Variants in SYTL5 observed in about 807,000 individuals in gnomAD.
SYTL5 encodes the protein synaptotagmin like 5.
In SYTL5, 34 loss-of-function variants were observed where a neutral mutation model predicts 55.9. That is an observed-to-expected ratio of 0.61 (90% CI 0.46 to 0.81). The LOEUF is 0.81. SYTL5 is among the 30% of genes least tolerant of loss of function. The probability of loss-of-function intolerance (pLI) is 0.00; values close to 1 mark genes in which losing one functional copy is unlikely to be tolerated. For missense variants in SYTL5, 637 were observed against 546.7 expected (o/e 1.17, Z -1.65); for synonymous variants, 221 against 188.7 (o/e 1.17, Z -1.40).
chrX:38,070,977 C>A (rs1046573716), intron 3 of SYTL5, among the ~76,000 whole-genome samples: 1 of 111,205 alleles, frequency 9.0e-6, no homozygotes, highest in African/African-American at 3.3e-5. Context: ...AGCCAAGGTC[C>A]CTGCCCTCAT....
At chrX:38,103,418 G>A (rs1324774166) in intron 10 of SYTL5, among the ~76,000 whole-genome samples, 1 of 111,078 alleles carries the variant, frequency 9.0e-6, no homozygotes, top group Non-Finnish European at 1.9e-5. Context: ...AATTGCCATA[G>A]GTGTCTTAGT....
In SYTL5 at chrX:38,073,756, G is replaced by A. The variant is rs1264271600; in HGVS notation, c.554+58G>A. Reference sequence around the variant, plus strand: ...TCTTTATTCCAGACACCTCTGAAATGAAGACTCCTTAATTTTTCAAGTTTG... The same window carrying A: ...TCTTTATTCCAGACACCTCTGAAATAAAGACTCCTTAATTTTTCAAGTTTG... On this transcript the variant is annotated intron_variant, in intron 5 of 16. Coordinates refer to ENST00000297875, the MANE Select transcript of SYTL5 (RefSeq NM_138780.3). 1.1e-5 allele frequency: 9 copies of A among 829,542 alleles called. No homozygotes were observed. In the Admixed American group the frequency reaches 3.0e-4, roughly 28 times the overall value. 68.4% of individuals were successfully genotyped at this position (829,542 alleles called of 1,213,427 possible). A position where few individuals can be genotyped will look rare whatever the true frequency, so the allele number is the denominator to read the frequency against.
chrX:38,048,445 G>A (rs1204342044), intron 2 of SYTL5, among the ~76,000 whole-genome samples: 1 of 106,546 alleles, frequency 9.4e-6, no homozygotes, highest in East Asian at 2.9e-4. Context: ...TTTCAGCAGT[G>A]TCCTATTCTA....
the SYTL5 span, among the ~76,000 whole-genome samples, chrX:37,926,197 T>C: frequency 1.8e-5 from 2 of 111,968 alleles, no homozygotes; most frequent in African/African-American, 6.5e-5. Flanking sequence ...CATACTGTTT[T>C]GGTTTTGATT....
At chrX:37,903,597 GT>G in the SYTL5 span, among the ~76,000 whole-genome samples, 1 of 105,959 alleles carries the variant, frequency 9.4e-6, no homozygotes, top group Non-Finnish European at 2.0e-5. Context: ...TATACCTAAT[GT>G]TAAATGACGA....
At chrX:38,070,381 A>G (rs930910062) in intron 3 of SYTL5, among the ~76,000 whole-genome samples, 7 of 110,631 alleles carry the variant, frequency 6.3e-5, no homozygotes, top group African/African-American at 2.3e-4. Context: ...CATGTCACCA[A>G]TTCTTACTGA....
intron 11 of SYTL5, among the ~76,000 whole-genome samples, chrX:38,107,053 CCAGGATGTA>C (rs1324572608): frequency 1.1e-4 from 12 of 112,110 alleles, no homozygotes; most frequent in Admixed American, 4.7e-4. Flanking sequence ...GTTGGCACAC[CCAGGATGTA>C]CAAAAGCATC....
At chrX:37,950,375 T>C in the SYTL5 span, among the ~76,000 whole-genome samples, 1 of 112,012 alleles carries the variant, frequency 8.9e-6, no homozygotes, top group Admixed American at 9.5e-5. Context: ...GAAATAATTA[T>C]TTGCTGAAAG....
the SYTL5 span, among the ~76,000 whole-genome samples, chrX:37,926,390 G>A: frequency 9.3e-6 from 1 of 107,455 alleles, no homozygotes; most frequent in Non-Finnish European, 1.9e-5. Context: ...TTTTTTTACT[G>A]GCTGACCCCC....
the SYTL5 span, among the ~76,000 whole-genome samples, chrX:37,978,301 T>C: frequency 1.8e-5 from 2 of 111,506 alleles, no homozygotes; most frequent in South Asian, 7.6e-4. Context: ...TGAGATCTGA[T>C]TGGGCAACTG....
chrX:37,904,160 GCACA>G, the SYTL5 span, among the ~76,000 whole-genome samples: 1 of 106,472 alleles, frequency 9.4e-6, no homozygotes, highest in Non-Finnish European at 1.9e-5. Context: ...AGGCACACAC[GCACA>G]CACACACACA....
At chrX:37,905,902 G>T in the SYTL5 span, among the ~76,000 whole-genome samples, 1 of 113,219 alleles carries the variant, frequency 8.8e-6, no homozygotes, top group Admixed American at 9.2e-5. Flanking sequence ...CCCCGTGGAT[G>T]GGGCGCCTGG....
chrX:37,898,778 T>C, the SYTL5 span, among the ~76,000 whole-genome samples: 1 of 112,354 alleles, frequency 8.9e-6, no homozygotes, highest in Non-Finnish European at 1.9e-5. Context: ...TAAGTACTTA[T>C]GTAGATTATC....
the SYTL5 span, among the ~76,000 whole-genome samples, chrX:37,964,807 A>G: frequency 9.1e-6 from 1 of 110,456 alleles, no homozygotes; most frequent in Non-Finnish European, 1.9e-5. Context: ...TCTATTTTTC[A>G]TGATCCAGTT....
chrX:37,900,373 T>A, the SYTL5 span, among the ~76,000 whole-genome samples: 10 of 112,457 alleles, frequency 8.9e-5, no homozygotes, highest in Admixed American at 7.5e-4. Flanking sequence ...ATGAATATGA[T>A]ATTTAGTATG....
intron 2 of SYTL5, among the ~76,000 whole-genome samples, chrX:38,043,692 CATATATAT>C (rs1188863455): frequency 4.3e-5 from 2 of 46,363 alleles, no homozygotes; most frequent in African/African-American, 2.1e-4. Context: ...TATATATATA[CATATATAT>C]ATACATATTT....
At chrX:37,995,764 T>C in the SYTL5 span, among the ~76,000 whole-genome samples, 1 of 112,388 alleles carries the variant, frequency 8.9e-6, no homozygotes, top group African/African-American at 3.2e-5. Context: ...AGTGAACTGA[T>C]CATTTTCCTC....
intron 9 of SYTL5, 122 bp from the exon 10 acceptor site, chrX:38,102,220 T>G: frequency 2.1e-6 from 1 of 466,594 alleles, no homozygotes; most frequent in South Asian, 3.5e-5. Context: ...AGGAATGGAG[T>G]GATTTCTAGA....
chrX:38,121,178 G>A (rs774413698), intron 14 of SYTL5, among the ~76,000 whole-genome samples: 9 of 111,467 alleles, frequency 8.1e-5, no homozygotes, highest in Admixed American at 7.6e-4. Context: ...ACTATCATGA[G>A]GACAGCACCA....
Sources: allele counts gnomAD v4.1 joint callset (sites outside exome capture counted in the v4.1 genomes callset), GRCh38; gene constraint gnomAD v4.1.1; transcripts MANE v1.5; gene names NCBI Gene and HGNC (gene_info 2026-07-23, HGNC 2026-07-21).